Variants in CACNA1E observed in about 807,000 individuals in gnomAD.
The protein encoded by CACNA1E is voltage-dependent R-type calcium channel subunit alpha-1E.
Under a neutral mutation model 259.2 loss-of-function variants are expected in CACNA1E, and 40 were observed. That is an observed-to-expected ratio of 0.15 (90% CI 0.12 to 0.20). The LOEUF is 0.20. Ranked by LOEUF, CACNA1E falls within the 10% of genes least tolerant of loss-of-function variation. CACNA1E has a pLI of 1.00. For missense variants in CACNA1E, 1,874 were observed against 3,040.1 expected, an observed-to-expected ratio of 0.62 and a Z score of 9.02; for synonymous variants, 1,104 against 1,138.5, an observed-to-expected ratio of 0.97 and a Z score of 0.61.
intron 35 of CACNA1E, among the ~76,000 whole-genome samples, chr1:181,770,066 G>A (rs1659370772): frequency 6.6e-6 from 1 of 152,168 alleles, no homozygotes; most frequent in African/African-American, 2.4e-5. Context: ...CAAATTCCCA[G>A]AGCAGGTGTC....
At position 181,799,946 on chromosome 1, in the gene CACNA1E, T is replaced by TA. The variant is rs1371476152; in HGVS notation, c.*1114dup. 1 of 152,354 alleles carries TA rather than the reference T, an allele frequency of 6.6e-6. No individual in the cohort carries two copies. Among genetic ancestry groups the TA allele is most frequent in the Admixed American group, 6.5e-5 (1 of 15,288 alleles). The allele number at this position is 152,354 out of a possible 1,614,324, so 9.4% of individuals were successfully genotyped here. ...AAGGCCAGTGCTGTGCCAAGCCCGG[T>TA]AAGGCCAAGTGCCGAGGCCCAGCCT... is the stretch of plus-strand genomic sequence containing the variant. On this transcript the variant is annotated 3_prime_UTR_variant, in exon 48 of 48. Transcript: ENST00000367573.
intron 1 of CACNA1E, among the ~76,000 whole-genome samples, chr1:181,400,684 AG>A (rs1263879262): frequency 6.6e-6 from 1 of 152,120 alleles, no homozygotes; most frequent in Non-Finnish European, 1.5e-5. Flanking sequence ...TGCACCACTC[AG>A]GAGACACAGG....
chr1:181,605,274 A>G (rs897348836), intron 6 of CACNA1E, among the ~76,000 whole-genome samples: 3 of 137,088 alleles, frequency 2.2e-5, no homozygotes, highest in Non-Finnish European at 1.5e-5. Context: ...CAGTGAATGG[A>G]CCACATGCAA....
At chr1:181,322,638 G>A (rs1375927143) in intron 1 of CACNA1E, among the ~76,000 whole-genome samples, 1 of 152,194 alleles carries the variant, frequency 6.6e-6, no homozygotes, top group Non-Finnish European at 1.5e-5. Flanking sequence ...ATACATGCAT[G>A]GACTTGGGGG....
chr1:181,508,505 G>A (rs532446270), intron 1 of CACNA1E, among the ~76,000 whole-genome samples: 6 of 152,314 alleles, frequency 3.9e-5, no homozygotes, highest in South Asian at 2.1e-4. Flanking sequence ...CTGGGATTCC[G>A]GGTGCCTATG....
chr1:181,472,808 C>T lies in CACNA1E; in HGVS notation c.435-10936C>T, dbSNP rs551130885. ...AGCAGGTGGGGTGTGGGTTAAACAC[C>T]GTTCTAAATGGCAGGCCTGCTGTTC... is the stretch of plus-strand genomic sequence containing the variant. On this transcript the variant is annotated intron_variant, in intron 2 of 11. Coordinates refer to the CACNA1E transcript ENST00000524607. 4.6e-5 allele frequency among the ~76,000 whole-genome samples: 7 copies of T among 152,210 alleles called. No homozygotes were observed. The South Asian group carries it at 8.3e-4, about 18-fold the overall frequency.
rs879655024 is a variant in CACNA1E at position 181,720,188 on chromosome 1, A to G, written c.1752-18A>G. 45 of 1,613,658 alleles carry G rather than the reference A, an allele frequency of 2.8e-5. No individual in the cohort carries two copies. The highest frequency in any genetic ancestry group is 3.6e-5 in the Non-Finnish European group (42 of 1,179,754). ...GGTATGCAGTGTTCACAGCTGTCAC[A>G]TTGTCTGGGTTTTGTAGGTATTGGG... On this transcript the variant is annotated intron_variant, in intron 13 of 47. Coordinates refer to ENST00000367573, the MANE Select transcript of CACNA1E (RefSeq NM_001205293.3).
intron 3 of CACNA1E, among the ~76,000 whole-genome samples, chr1:181,518,688 C>T (rs980924194): frequency 6.6e-6 from 1 of 152,150 alleles, no homozygotes; most frequent in African/African-American, 2.4e-5. Flanking sequence ...CATGTATGCA[C>T]TCTGTCTTTT....
chr1:181,355,374 G>T (rs545740668), intron 1 of CACNA1E, among the ~76,000 whole-genome samples: 5 of 152,272 alleles, frequency 3.3e-5, no homozygotes, highest in Admixed American at 2.0e-4. Flanking sequence ...GATCACTTGA[G>T]GTCAGGAGTT....
At chr1:181,563,115 A>G (rs1558130367) in intron 3 of CACNA1E, among the ~76,000 whole-genome samples, 1 of 152,290 alleles carries the variant, frequency 6.6e-6, no homozygotes, top group South Asian at 2.1e-4. Context: ...TGCTCGACAG[A>G]CAGCTGATAT....
Position 181,717,545 on chromosome 1 carries a change from G to A in CACNA1E, c.1525+243G>A, listed in dbSNP as rs116468611. 6.4e-3 allele frequency among the ~76,000 whole-genome samples: 979 copies of A among 152,190 alleles called. 14 individuals are homozygous for A. Among genetic ancestry groups the A allele is most frequent in the African/African-American group, 0.023 (940 of 41,528 alleles). ...AGATAGCATAACGTTATACCTTTGG[G>A]TACCATAAAGCCTTCACTTCCTTTC... On this transcript the variant is annotated intron_variant, in intron 11 of 47. Transcript: ENST00000367573.
chr1:181,662,594 A>G (rs1268493559), intron 7 of CACNA1E, among the ~76,000 whole-genome samples: 1 of 152,232 alleles, frequency 6.6e-6, no homozygotes, highest in Non-Finnish European at 1.5e-5. Flanking sequence ...TACCGGGGAA[A>G]TGAAATCAGA....
chr1:181,332,162 G>A (rs1651323955), intron 1 of CACNA1E, among the ~76,000 whole-genome samples: 1 of 152,158 alleles, frequency 6.6e-6, no homozygotes, highest in Non-Finnish European at 1.5e-5. Flanking sequence ...GGAGCTGAAC[G>A]ATGAGAACAC....
chr1:181,451,669 C>T (rs538962809), intron 2 of CACNA1E, among the ~76,000 whole-genome samples: 7 of 151,022 alleles, frequency 4.6e-5, no homozygotes, highest in African/African-American at 1.7e-4. Context: ...GCAACAAGAG[C>T]GAAACTCAGT....
chr1:181,573,856 G>A (rs963590271), intron 3 of CACNA1E, among the ~76,000 whole-genome samples: 2 of 152,180 alleles, frequency 1.3e-5, no homozygotes, highest in Admixed American at 6.5e-5. Context: ...ATTTGCAAAA[G>A]CAAAGATGTG....
chr1:181,380,300 T>A (rs1395712847), intron 1 of CACNA1E, among the ~76,000 whole-genome samples: 1 of 151,990 alleles, frequency 6.6e-6, no homozygotes, highest in Non-Finnish European at 1.5e-5. Context: ...TACTAAATGC[T>A]TATTTTGGAA....
intron 6 of CACNA1E, among the ~76,000 whole-genome samples, chr1:181,581,111 T>C (rs1229124701): frequency 6.6e-6 from 1 of 152,148 alleles, no homozygotes; most frequent in Non-Finnish European, 1.5e-5. Flanking sequence ...GGTACTAATG[T>C]ATGATACTGG....
intron 24 of CACNA1E, among the ~76,000 whole-genome samples, chr1:181,738,829 C>T (rs1213632424): frequency 6.6e-6 from 1 of 152,194 alleles, no homozygotes; most frequent in African/African-American, 2.4e-5. Flanking sequence ...TGTTCCCAGC[C>T]TCATCCATCC....
intron 3 of CACNA1E, among the ~76,000 whole-genome samples, chr1:181,553,502 C>T (rs1055110377): frequency 2.0e-5 from 3 of 152,182 alleles, no homozygotes; most frequent in African/African-American, 7.2e-5. Flanking sequence ...ATTTCTTTCT[C>T]TTGCCTGATT....
Sources: gnomAD v4.1 joint callset for allele counts (sites outside exome capture counted in the v4.1 genomes callset) on GRCh38, gnomAD v4.1.1 for gene constraint, MANE v1.5 for transcripts, NCBI Gene and HGNC (gene_info 2026-07-23, HGNC 2026-07-21) for gene names.